The following FKBP2 variants were observed in gnomAD, a reference collection of about 807,000 sequenced individuals.
FKBP2 encodes the protein peptidyl-prolyl cis-trans isomerase FKBP2.
In FKBP2, 15 loss-of-function variants were observed where a neutral mutation model predicts 19.4. That is an observed-to-expected ratio of 0.77 (90% CI 0.52 to 1.19). FKBP2 has a LOEUF of 1.19. Among genes scored for constraint, FKBP2 ranks in the 50% most tolerant of loss-of-function variants. The probability of loss-of-function intolerance (pLI) is 0.00; values close to 1 mark genes in which losing one functional copy is unlikely to be tolerated. For synonymous variants in FKBP2, 76 were observed against 74.8 expected (o/e 1.02, Z -0.08); for missense variants, 170 against 179.0 (o/e 0.95, Z 0.29).
At position 64,242,567 on chromosome 11, in the gene FKBP2, G is replaced by T. The variant is rs565229568; in HGVS notation, c.171+9G>T. The T allele has an allele frequency of 1.7e-5, 26 of 1,530,482 alleles. No homozygotes were observed. The highest frequency in any genetic ancestry group is 4.8e-5 in the Admixed American group (2 of 41,644). The allele number at this position is 1,530,482 out of a possible 1,614,324, so 94.8% of individuals were successfully genotyped here. On this transcript the variant is annotated intron_variant, in intron 2 of 5. Transcript: ENST00000309366. Reference sequence around the variant, plus strand: ...TGCACATGCACTACACGGTGAGTGGGTTGGGCGGGCCTTTTGGGAGTGGGT... The same window carrying T: ...TGCACATGCACTACACGGTGAGTGGTTTGGGCGGGCCTTTTGGGAGTGGGT...
chr11:64,243,390 C>G lies in FKBP2; in HGVS notation c.285-61C>G, dbSNP rs756063034. On this transcript the variant is annotated intron_variant, in intron 3 of 5. Coordinates refer to ENST00000309366, the MANE Select transcript of FKBP2 (RefSeq NM_004470.4). ...GGAGGTAAGCTGTGGGAGGCAAGCCCCAGGGATACAAGACAAGGGCCCTGG... is the reference window on the plus strand; with the variant it reads ...GGAGGTAAGCTGTGGGAGGCAAGCCGCAGGGATACAAGACAAGGGCCCTGG... 1.4e-4 allele frequency: 221 copies of G among 1,610,218 alleles called. 2 individuals carry two copies. The highest frequency in any genetic ancestry group is 1.7e-4 in the Non-Finnish European group (206 of 1,177,478).
At chr11:64,242,932 C>T (rs945352213) in intron 2 of FKBP2, among the ~76,000 whole-genome samples, 1 of 152,172 alleles carries the variant, frequency 6.6e-6, no homozygotes, top group African/African-American at 2.4e-5. Flanking sequence ...ATTAGCCAGG[C>T]GTGGTGGCGG....
Position 64,244,099 on chromosome 11 carries a change from A to G in FKBP2, c.*70A>G. 6.5e-7 allele frequency: 1 copy of G among 1,532,998 alleles called. No homozygotes were observed. The highest frequency in any genetic ancestry group is 8.9e-7 in the Non-Finnish European group (1 of 1,120,300). The allele number at this position is 1,532,998 out of a possible 1,614,324, so 95.0% of individuals were successfully genotyped here. ...GACTGTTCCAAAAAAAAAACAAAAAACAAAAACAAACAAAAAAACACTTAA... is the reference window on the plus strand; with the variant it reads ...GACTGTTCCAAAAAAAAAACAAAAAGCAAAAACAAACAAAAAAACACTTAA... On this transcript the variant is annotated 3_prime_UTR_variant, in exon 6 of 6. Coordinates refer to ENST00000309366, the MANE Select transcript of FKBP2 (RefSeq NM_004470.4).
chr11:64,242,307 C>G, intron 1 of FKBP2, 77 bp from the exon 2 acceptor site: 1 of 1,350,156 alleles, frequency 7.4e-7, no homozygotes, highest in Non-Finnish European at 9.8e-7. Context: ...GTGGAACCCT[C>G]CTGTTACCTA....
At position 64,244,036 on chromosome 11, in the gene FKBP2, T is replaced by TG; in HGVS notation, c.*11dup. The TG allele has an allele frequency of 6.2e-7, 1 of 1,612,472 alleles. No homozygotes were observed. The highest frequency in any genetic ancestry group is 1.1e-5 in the South Asian group (1 of 91,012). On this transcript the variant is annotated 3_prime_UTR_variant, in exon 6 of 6. Transcript: ENST00000309366. The stretch of plus-strand genomic sequence containing the variant: ...GCGACGAACTGAGCTGTAACCAGAC[T>TG]GGGGAGGGGCAGGGGGAGAGGCCCC...
intron 2 of FKBP2, 132 bp downstream of exon 2, chr11:64,242,690 C>T (rs758673795): frequency 1.5e-5 from 15 of 1,009,098 alleles, no homozygotes; most frequent in Admixed American, 3.5e-5. Context: ...AGCCAGTTTC[C>T]ATGGTTCTGC....
chr11:64,242,245 G>T, intron 1 of FKBP2, 139 bp from the exon 2 acceptor site: 1 of 816,722 alleles, frequency 1.2e-6, no homozygotes. Context: ...GGGGGAGAGG[G>T]CGGTGACCCG....
At position 64,243,826 on chromosome 11, in the gene FKBP2, G is replaced by C; in HGVS notation, c.332-15G>C. ...CTTGGCCATCACTGACTGTTTCTTT[G>C]TGCATCTTCAACAGGGTATGGAGAG... On this transcript the variant is annotated splice_polypyrimidine_tract_variant and intron_variant, in intron 4 of 5. Coordinates refer to ENST00000309366, the MANE Select transcript of FKBP2 (RefSeq NM_004470.4). The C allele has an allele frequency of 6.2e-7, 1 of 1,613,930 alleles. No homozygotes were observed. Among genetic ancestry groups the C allele is most frequent in the Non-Finnish European group, 8.5e-7 (1 of 1,179,872 alleles).
chr11:64,243,755 G>A, intron 4 of FKBP2, 86 bp from the exon 5 acceptor site: 1 of 1,564,960 alleles, frequency 6.4e-7, no homozygotes, highest in Non-Finnish European at 8.8e-7. Flanking sequence ...TGGCCTTCTT[G>A]CTGAGAGGGG....
chr11:64,242,260 A>C (rs2135012263), intron 1 of FKBP2, 124 bp from the exon 2 acceptor site: 1 of 973,536 alleles, frequency 1.0e-6, no homozygotes, highest in Non-Finnish European at 1.4e-6. Flanking sequence ...GACCCGGGAC[A>C]AAGGGGATCC....
At chr11:64,242,720 CAG>C (rs1441990663) in intron 2 of FKBP2, among the ~76,000 whole-genome samples, 162 bp downstream of exon 2, 1 of 152,180 alleles carries the variant, frequency 6.6e-6, no homozygotes, top group Non-Finnish European at 1.5e-5. Context: ...GCCTACTGCC[CAG>C]GTGGGCACCA....
chr11:64,242,940 C>T lies in FKBP2; in HGVS notation c.172-259C>T, dbSNP rs1002273209. On this transcript the variant is annotated intron_variant, in intron 2 of 5. Coordinates refer to ENST00000309366, the MANE Select transcript of FKBP2 (RefSeq NM_004470.4). ...ATACAAAATTAGCCAGGCGTGGTGGCGGGCGCCTATAATCCCAGCTACTTG... is the reference window on the plus strand; with the variant it reads ...ATACAAAATTAGCCAGGCGTGGTGGTGGGCGCCTATAATCCCAGCTACTTG... 2.4e-4 allele frequency among the ~76,000 whole-genome samples: 37 copies of T among 152,178 alleles called. 1 individual carries two copies. Among genetic ancestry groups the T allele is most frequent in the Non-Finnish European group, 1.6e-4 (11 of 68,034 alleles).
chr11:64,242,275 G>T, intron 1 of FKBP2, 109 bp from the exon 2 acceptor site: 1 of 1,130,232 alleles, frequency 8.8e-7, no homozygotes, highest in Non-Finnish European at 1.2e-6. Flanking sequence ...GGATCCCCCG[G>T]GGCAAGGAAG....
chr11:64,243,634 T>TA, intron 4 of FKBP2, 137 bp downstream of exon 4: 1 of 1,244,238 alleles, frequency 8.0e-7, no homozygotes, highest in East Asian at 2.4e-5. Flanking sequence ...TGGCTGTGTC[T>TA]AGCAGTGAGT....
In FKBP2 at chr11:64,242,508, C is replaced by T; in HGVS notation, c.121C>T (p.His41Tyr). The T allele has an allele frequency of 6.4e-7, 1 of 1,555,302 alleles. No homozygotes were observed. The highest frequency in any genetic ancestry group is 8.6e-7 in the Non-Finnish European group (1 of 1,157,354). ...GATCGGGGTCAAGAAGCGGGTGGACCACTGTCCCATCAAATCGCGCAAAGG... is the reference window on the plus strand; with the variant it reads ...GATCGGGGTCAAGAAGCGGGTGGACTACTGTCCCATCAAATCGCGCAAAGG... The part of the protein sequence containing the change: ...LQIGVKKRVD[H>Y]CPIKSRKGDV... Residue 41 changes from histidine (H) to tyrosine (Y), a missense_variant, in exon 2 of 6, where the codon CAC (histidine) becomes TAC (tyrosine). By Grantham distance (83) the His-to-Tyr change is moderately conservative. Transcript: ENST00000309366.
At chr11:64,241,480 G>A (rs1312358529) in intron 1 of FKBP2, among the ~76,000 whole-genome samples, 1 of 151,966 alleles carries the variant, frequency 6.6e-6, no homozygotes, top group Non-Finnish European at 1.5e-5. Flanking sequence ...GCGGAGCCTC[G>A]GGGTCGGAAG....
intron 2 of FKBP2, 85 bp from the exon 3 acceptor site, chr11:64,243,114 G>T (rs1218579425): frequency 7.3e-6 from 9 of 1,231,530 alleles, no homozygotes; most frequent in Non-Finnish European, 9.6e-6. Context: ...GGGCGTGGGG[G>T]GGCAGCTTGA....
intron 1 of FKBP2, chr11:64,242,127 G>T: frequency 4.6e-6 from 2 of 434,868 alleles, no homozygotes; most frequent in East Asian, 4.1e-5. Context: ...GGTGAGCAAA[G>T]GGGCGGGTCC....
At chr11:64,243,153 C>A in intron 2 of FKBP2, 46 bp from the exon 3 acceptor site, 2 of 1,553,960 alleles carry the variant, frequency 1.3e-6, no homozygotes, top group South Asian at 2.2e-5. Flanking sequence ...GAGGGGGTGT[C>A]AGGGGTGGTC....
Sources: gnomAD v4.1 joint callset for allele counts (sites outside exome capture counted in the v4.1 genomes callset) on GRCh38, gnomAD v4.1.1 for gene constraint, MANE v1.5 for transcripts, NCBI Gene and HGNC (gene_info 2026-07-23, HGNC 2026-07-21) for gene names.